The following CNTN3 variants were observed in gnomAD, a reference collection of about 807,000 sequenced individuals.
CNTN3 encodes contactin 3.
In CNTN3, 60 loss-of-function variants were observed where a neutral mutation model predicts 119.1. That is an observed-to-expected ratio of 0.50 (90% CI 0.41 to 0.62). The LOEUF (loss-of-function observed/expected upper bound fraction) is 0.62. Among genes scored for constraint, CNTN3 ranks in the 20% least tolerant of loss-of-function variants. The pLI is 0.00. For synonymous variants in CNTN3, 450 were observed against 438.7 expected, an observed-to-expected ratio of 1.03 and a Z score of -0.32; for missense variants, 1,101 against 1,242.4, an observed-to-expected ratio of 0.89 and a Z score of 1.71.
chr3:74,410,137 A>AT (rs1467970700), intron 5 of CNTN3, among the ~76,000 whole-genome samples: 3 of 152,154 alleles, frequency 2.0e-5, no homozygotes, highest in Admixed American at 6.5e-5. Context: ...TTATGTATCC[A>AT]TATCTTGTTC....
At chr3:74,539,280 A>G (rs1350752819) in intron 1 of CNTN3, among the ~76,000 whole-genome samples, 1 of 152,142 alleles carries the variant, frequency 6.6e-6, no homozygotes, top group Non-Finnish European at 1.5e-5. Context: ...TATTGGTGCT[A>G]AGAAATGTTT....
intron 11 of CNTN3, among the ~76,000 whole-genome samples, chr3:74,356,334 C>G (rs1703933215): frequency 6.6e-6 from 1 of 152,058 alleles, no homozygotes; most frequent in Non-Finnish European, 1.5e-5. Context: ...TGACTGGCCT[C>G]TGTACCTTTG....
At chr3:74,527,109 TATTCA>T (rs1483158891) in intron 1 of CNTN3, among the ~76,000 whole-genome samples, 1 of 151,926 alleles carries the variant, frequency 6.6e-6, no homozygotes, top group Non-Finnish European at 1.5e-5. Context: ...CATGTATGTA[TATTCA>T]AATATTTCTT....
At chr3:74,519,325 T>C (rs532093899) in intron 2 of CNTN3, among the ~76,000 whole-genome samples, 12 of 152,008 alleles carry the variant, frequency 7.9e-5, no homozygotes, top group African/African-American at 2.9e-4. Flanking sequence ...TTCTTTATGA[T>C]GTCTTCACAT....
chr3:74,484,685 C>T (rs752225811), intron 4 of CNTN3, among the ~76,000 whole-genome samples: 9 of 152,070 alleles, frequency 5.9e-5, no homozygotes, highest in South Asian at 2.1e-4. Context: ...TACAACCAAG[C>T]GAACCCCAAA....
intron 20 of CNTN3, among the ~76,000 whole-genome samples, chr3:74,283,296 G>A (rs558268425): frequency 1.3e-5 from 2 of 152,146 alleles, no homozygotes; most frequent in South Asian, 4.2e-4. Flanking sequence ...ATACCTTCAA[G>A]TCATGACATT....
intron 5 of CNTN3, among the ~76,000 whole-genome samples, chr3:74,398,855 C>A (rs1267194976): frequency 1.3e-5 from 2 of 152,114 alleles, no homozygotes; most frequent in African/African-American, 4.8e-5. Context: ...GATCACTTAT[C>A]ACGTGGTTAA....
chr3:74,267,974 T>G (rs1701697527), intron 20 of CNTN3, among the ~76,000 whole-genome samples: 1 of 152,162 alleles, frequency 6.6e-6, no homozygotes. Flanking sequence ...AAGAATTACT[T>G]AGATTTATTC....
At chr3:74,569,802 C>T (rs1265985308) in intron 1 of CNTN3, among the ~76,000 whole-genome samples, 3 of 152,146 alleles carry the variant, frequency 2.0e-5, no homozygotes, top group Non-Finnish European at 4.4e-5. Context: ...TCATCTGGGG[C>T]TGAGATCTCC....
intron 20 of CNTN3, among the ~76,000 whole-genome samples, chr3:74,269,416 C>T (rs1010564455): frequency 1.3e-5 from 2 of 152,120 alleles, no homozygotes; most frequent in African/African-American, 4.8e-5. Context: ...GAGAAACTTT[C>T]ACCCATGTTC....
intron 5 of CNTN3, among the ~76,000 whole-genome samples, chr3:74,393,764 A>G (rs766181277): frequency 6.6e-6 from 1 of 152,210 alleles, no homozygotes; most frequent in Non-Finnish European, 1.5e-5. Flanking sequence ...AATCCACCAC[A>G]GTGTGCCAAG....
At chr3:74,570,069 T>G (rs1482090936) in intron 1 of CNTN3, among the ~76,000 whole-genome samples, 1 of 152,172 alleles carries the variant, frequency 6.6e-6, no homozygotes, top group African/African-American at 2.4e-5. Context: ...GAAAAACCTC[T>G]GCTTTAGAGG....
chr3:74,443,344 C>T (rs969707323), intron 4 of CNTN3, among the ~76,000 whole-genome samples: 8 of 152,162 alleles, frequency 5.3e-5, no homozygotes, highest in Admixed American at 5.2e-4. Flanking sequence ...GTATTCAAGT[C>T]CAAACATGCT....
intron 11 of CNTN3, among the ~76,000 whole-genome samples, chr3:74,344,970 G>A (rs529023911): frequency 6.6e-6 from 1 of 152,162 alleles, no homozygotes; most frequent in South Asian, 2.1e-4. Context: ...AAGAACCTCT[G>A]CTAGCAATTC....
At chr3:74,562,742 G>A (rs543046177) in intron 1 of CNTN3, among the ~76,000 whole-genome samples, 28 of 152,008 alleles carry the variant, frequency 1.8e-4, no homozygotes, top group African/African-American at 6.5e-4. Flanking sequence ...AGTCATTAGC[G>A]GCACCTCTGA....
At chr3:74,305,452 T>C (rs1005479388) in intron 13 of CNTN3, among the ~76,000 whole-genome samples, 2 of 152,122 alleles carry the variant, frequency 1.3e-5, no homozygotes, top group African/African-American at 4.8e-5. Flanking sequence ...AAGACATTTT[T>C]TACAAGAATG....
intron 5 of CNTN3, among the ~76,000 whole-genome samples, chr3:74,400,030 C>T (rs944418286): frequency 2.6e-5 from 4 of 152,130 alleles, no homozygotes; most frequent in Non-Finnish European, 5.9e-5. Flanking sequence ...GACCTAGTTA[C>T]ACTGAAGGAA....
intron 4 of CNTN3, among the ~76,000 whole-genome samples, chr3:74,433,105 G>A (rs564927420): frequency 2.6e-5 from 4 of 152,132 alleles, no homozygotes; most frequent in African/African-American, 9.7e-5. Flanking sequence ...TGCTACTGCA[G>A]TCAATGAGAA....
At chr3:74,562,081 G>C (rs778680370) in intron 1 of CNTN3, among the ~76,000 whole-genome samples, 1 of 151,982 alleles carries the variant, frequency 6.6e-6, no homozygotes, top group Non-Finnish European at 1.5e-5. Flanking sequence ...TTAAACCCTT[G>C]GGACCGAGAC....
Sources: gnomAD v4.1 joint callset for allele counts (sites outside exome capture counted in the v4.1 genomes callset) on GRCh38, gnomAD v4.1.1 for gene constraint, MANE v1.5 for transcripts, NCBI Gene and HGNC (gene_info 2026-07-23, HGNC 2026-07-21) for gene names.